Variants in CERS3 observed in about 807,000 individuals in gnomAD.
CERS3 encodes the protein LAG1 homolog, ceramide synthase 3.
CERS3 carries 33 observed loss-of-function variants against 50.3 expected under a neutral mutation model. That is an observed-to-expected ratio of 0.66 (90% confidence interval 0.50 to 0.88). The LOEUF (loss-of-function observed/expected upper bound fraction) is 0.88, where lower values mean the gene tolerates loss of function less well. CERS3 is among the 40% of genes least tolerant of loss of function. CERS3 has a pLI of 0.00. For missense variants in CERS3, 470 were observed against 460.3 expected, an observed-to-expected ratio of 1.02 and a Z score of -0.19; for synonymous variants, 176 against 155.2, an observed-to-expected ratio of 1.13 and a Z score of -0.99.
intron 11 of CERS3, among the ~76,000 whole-genome samples, chr15:100,416,514 A>G (rs2031918017): frequency 6.6e-6 from 1 of 152,218 alleles, no homozygotes; most frequent in Non-Finnish European, 1.5e-5. Context: ...GGTAATTTGT[A>G]AAGGAAAGAA....
chr15:100,404,242 T>C (rs1447271207), intron 11 of CERS3, among the ~76,000 whole-genome samples: 2 of 152,240 alleles, frequency 1.3e-5, no homozygotes, highest in African/African-American at 4.8e-5. Flanking sequence ...TGTGAGAGAA[T>C]ACATTTCTGT....
chr15:100,532,519 A>C (rs765273767), upstream of CERS3, among the ~76,000 whole-genome samples: 33 of 152,176 alleles, frequency 2.2e-4, no homozygotes, highest in Non-Finnish European at 4.6e-4. Context: ...TAATCCCAGC[A>C]CTTTGGGAGG....
chr15:100,513,039 C>T (rs762605968), intron 2 of CERS3, among the ~76,000 whole-genome samples: 1 of 152,132 alleles, frequency 6.6e-6, no homozygotes, highest in African/African-American at 2.4e-5. Context: ...AACTAATAAA[C>T]CTCAAAAATG....
intron 2 of CERS3, among the ~76,000 whole-genome samples, chr15:100,514,255 C>T (rs2036431985): frequency 6.6e-6 from 1 of 152,070 alleles, no homozygotes; most frequent in Non-Finnish European, 1.5e-5. Flanking sequence ...TATTAAATAC[C>T]ATGAAATTGC....
intron 3 of CERS3, among the ~76,000 whole-genome samples, chr15:100,496,510 G>C (rs2035818895): frequency 6.6e-6 from 1 of 152,156 alleles, no homozygotes; most frequent in Non-Finnish European, 1.5e-5. Context: ...ATTAGTGATT[G>C]CTGGTGGCTA....
intron 1 of CERS3, among the ~76,000 whole-genome samples, chr15:100,528,319 T>C (rs1397723023): frequency 6.6e-6 from 1 of 152,190 alleles, no homozygotes; most frequent in Non-Finnish European, 1.5e-5. Flanking sequence ...CCCACCTTGT[T>C]CTCAGCTTAA....
intron 2 of CERS3, among the ~76,000 whole-genome samples, chr15:100,505,590 C>A (rs569400267): frequency 2.0e-5 from 3 of 152,330 alleles, no homozygotes; most frequent in Non-Finnish European, 4.4e-5. Context: ...TTCTTCACAT[C>A]ATACTCAAAA....
chr15:100,499,408 T>C (rs1365633245), intron 3 of CERS3, among the ~76,000 whole-genome samples: 2 of 152,170 alleles, frequency 1.3e-5, no homozygotes. Context: ...ACACAAACTA[T>C]AACTTTCAAG....
intron 11 of CERS3, among the ~76,000 whole-genome samples, chr15:100,425,499 C>A (rs2032755065): frequency 6.6e-6 from 1 of 152,170 alleles, no homozygotes; most frequent in African/African-American, 2.4e-5. Context: ...GGGCTTCAGA[C>A]TTCCATGGGG....
chr15:100,434,668 C>T (rs1037287063), intron 11 of CERS3, among the ~76,000 whole-genome samples: 1 of 152,050 alleles, frequency 6.6e-6, no homozygotes, highest in African/African-American at 2.4e-5. Flanking sequence ...ATGGGGCCTC[C>T]CTATACCTGT....
chr15:100,484,501 G>T, intron 5 of CERS3, 49 bp downstream of exon 5: 2 of 1,284,130 alleles, frequency 1.6e-6, no homozygotes, highest in Non-Finnish European at 2.3e-6. Flanking sequence ...GGACCACTCA[G>T]CTCCAGATAG....
rs866617665 is a variant in CERS3, at chr15:100,534,071, C to T, written c.-354-4996G>A. On this transcript the variant is annotated intron_variant, in intron 1 of 12. Coordinates refer to the CERS3 transcript ENST00000284382. ...CAGACCATGTCACCATGTGAGCAGG[C>T]TCTCAACACGACTGTCTCTCTCAGC... Among the ~76,000 whole-genome samples, 6 of 152,228 alleles carry T rather than the reference C, an allele frequency of 3.9e-5. No homozygotes were observed. In the East Asian group the frequency reaches 1.2e-3, roughly 29 times the overall value.
Position 100,483,787 on chromosome 15 carries a change from A to ATTTTTTTTTTTTTTTT in CERS3, c.407+762_407+763insAAAAAAAAAAAAAAAA, listed in dbSNP as rs10622678. On this transcript the variant is annotated intron_variant, in intron 5 of 11. Transcript: ENST00000679737. ...AATAATAATAATAATTATTATTATT[A>ATTTTTTTTTTTTTTTT]TTTTTTTTTTTGAGACAGAGTCTTG... Among the ~76,000 whole-genome samples the ATTTTTTTTTTTTTTTT allele has an allele frequency of 9.0e-5, 9 of 100,024 alleles. No homozygotes were observed. In the South Asian group the frequency reaches 1.1e-3, roughly 12 times the overall value. 65.6% of individuals were successfully genotyped at this position (100,024 alleles called of 152,430 possible). A position where few individuals can be genotyped will look rare whatever the true frequency, so the allele number is the denominator to read the frequency against.
intron 11 of CERS3, among the ~76,000 whole-genome samples, chr15:100,407,364 T>C (rs1320344180): frequency 6.6e-6 from 1 of 152,210 alleles, no homozygotes; most frequent in Non-Finnish European, 1.5e-5. Flanking sequence ...CTTTATAGCA[T>C]CTTGGCAGTC....
At chr15:100,512,387 G>T (rs1299499604) in intron 2 of CERS3, among the ~76,000 whole-genome samples, 1 of 152,210 alleles carries the variant, frequency 6.6e-6, no homozygotes, top group Non-Finnish European at 1.5e-5. Flanking sequence ...GCTGCCAGCA[G>T]ATTTCAGCAC....
intron 3 of CERS3, among the ~76,000 whole-genome samples, chr15:100,494,158 T>C (rs985236805): frequency 2.7e-5 from 4 of 148,308 alleles, no homozygotes; most frequent in East Asian, 2.0e-4. Context: ...AAGTTTGTTG[T>C]TTTTGCTATT....
At chr15:100,479,643 T>A (rs532372577) in intron 6 of CERS3, 165 bp from the exon 7 acceptor site, 1 of 608,400 alleles carries the variant, frequency 1.6e-6, no homozygotes, top group East Asian at 2.8e-5. Context: ...ATTGCACGTA[T>A]TTCTCCCTCT....
intron 2 of CERS3, among the ~76,000 whole-genome samples, chr15:100,511,086 G>A (rs1042567541): frequency 2.0e-5 from 3 of 152,090 alleles, no homozygotes; most frequent in Admixed American, 6.5e-5. Flanking sequence ...TCAGGAGTTT[G>A]AGGACCAGGC....
At position 100,455,989 on chromosome 15, in the gene CERS3, G is replaced by A. The variant is rs139946861; in HGVS notation, c.903C>T (p.Tyr301=). The change falls in exon 11 of 12, where the codon TAC becomes TAT. Residue 301 remains tyrosine, a synonymous_variant. Coordinates refer to ENST00000679737, the MANE Select transcript of CERS3 (RefSeq NM_001378789.1). ...TCATGAGCTGTAGGTTGAGGAAGAT[G>A]TATGAAAAGAAAGGCTCGAGGTGAT... ...PMYHLEPFFS[Y]IFLNLQLMIL... is the part of the protein sequence containing the mutation. The A allele has an allele frequency of 3.3e-4, 525 of 1,613,120 alleles. 3 individuals are homozygous for A. The African/African-American group carries it at 5.8e-3, about 18-fold the overall frequency.
Sources: allele counts gnomAD v4.1 joint callset (sites outside exome capture counted in the v4.1 genomes callset), GRCh38; gene constraint gnomAD v4.1.1; transcripts MANE v1.5; gene names NCBI Gene and HGNC (gene_info 2026-07-23, HGNC 2026-07-21).